The following ZRANB3 variants were observed in gnomAD, a reference collection of about 807,000 sequenced individuals.
ZRANB3 encodes DNA annealing helicase and endonuclease ZRANB3.
Under a neutral mutation model 133.8 loss-of-function variants are expected in ZRANB3, and 125 were observed. The observed-to-expected ratio is 0.93, with a 90% CI of 0.81 to 1.08. The LOEUF (loss-of-function observed/expected upper bound fraction) is 1.08. Ranked by LOEUF, ZRANB3 falls within the 50% of genes least tolerant of loss-of-function variation. The probability of loss-of-function intolerance (pLI) is 0.00; values close to 1 mark genes in which losing one functional copy is unlikely to be tolerated. For synonymous variants in ZRANB3, 387 were observed against 432.7 expected (o/e 0.89, Z 1.31); for missense variants, 1,229 against 1,275.5 (o/e 0.96, Z 0.56).
chr2:135,391,460 C>T (rs1687227308), intron 2 of ZRANB3, among the ~76,000 whole-genome samples: 1 of 152,060 alleles, frequency 6.6e-6, no homozygotes, highest in South Asian at 2.1e-4. Context: ...ATTGGTCTTC[C>T]CTATAAAGAG....
chr2:135,254,419 G>A (rs377134703), intron 12 of ZRANB3, among the ~76,000 whole-genome samples: 2 of 151,556 alleles, frequency 1.3e-5, no homozygotes, highest in East Asian at 1.9e-4. Flanking sequence ...CCTTATCTTC[G>A]CATTCTCAAA....
intron 8 of ZRANB3, among the ~76,000 whole-genome samples, chr2:135,281,372 A>C (rs1425360976): frequency 6.6e-6 from 1 of 151,784 alleles, no homozygotes; most frequent in Non-Finnish European, 1.5e-5. Context: ...AAGCTCTTTT[A>C]ATGTCTTCTT....
chr2:135,405,170 C>A (rs527954920), intron 2 of ZRANB3, among the ~76,000 whole-genome samples: 1 of 152,246 alleles, frequency 6.6e-6, no homozygotes, highest in Non-Finnish European at 1.5e-5. Flanking sequence ...GGTTGCAATC[C>A]TAGTCTCTGA....
intron 3 of ZRANB3, among the ~76,000 whole-genome samples, chr2:135,383,195 C>A (rs1283930993): frequency 6.6e-6 from 1 of 152,078 alleles, no homozygotes; most frequent in Admixed American, 6.6e-5. Flanking sequence ...CAGTTGCAAT[C>A]CTAGTCTCTG....
At chr2:135,504,543 T>G in intron 1 of ZRANB3, 47 bp from the exon 2 acceptor site, 1 of 1,480,320 alleles carries the variant, frequency 6.8e-7, no homozygotes, top group Non-Finnish European at 9.1e-7. Context: ...AAGAAATAGA[T>G]ATTACTAAGT....
intron 1 of ZRANB3, chr2:135,510,629 C>T: frequency 1.3e-6 from 1 of 780,844 alleles, no homozygotes; most frequent in East Asian, 2.5e-5. Flanking sequence ...CTCATTCCAC[C>T]ACCCAGCCCA....
intron 2 of ZRANB3, among the ~76,000 whole-genome samples, chr2:135,418,132 A>G (rs772857883): frequency 5.3e-5 from 8 of 152,176 alleles, no homozygotes; most frequent in Non-Finnish European, 8.8e-5. Context: ...CAAACAACAA[A>G]AAATATAGTA....
At chr2:135,385,460 A>G (rs1686926096) in intron 3 of ZRANB3, among the ~76,000 whole-genome samples, 1 of 152,174 alleles carries the variant, frequency 6.6e-6, no homozygotes, top group African/African-American at 2.4e-5. Flanking sequence ...CAAGCTACCA[A>G]TGACTTTCTT....
chr2:135,399,751 G>C (rs1256377457), intron 2 of ZRANB3, among the ~76,000 whole-genome samples: 1 of 152,146 alleles, frequency 6.6e-6, no homozygotes, highest in Non-Finnish European at 1.5e-5. Context: ...ACATGCTTTT[G>C]AATGAGAAAG....
chr2:135,449,181 G>A (rs943366033), intron 2 of ZRANB3, among the ~76,000 whole-genome samples: 3 of 152,170 alleles, frequency 2.0e-5, no homozygotes, highest in African/African-American at 7.2e-5. Context: ...TGAGATTCCA[G>A]CAAAGAACCT....
intron 2 of ZRANB3, among the ~76,000 whole-genome samples, chr2:135,440,607 T>C (rs1227608922): frequency 6.6e-6 from 1 of 152,134 alleles, no homozygotes; most frequent in Non-Finnish European, 1.5e-5. Flanking sequence ...AACAGGCACC[T>C]CACTCCTACA....
intron 17 of ZRANB3, among the ~76,000 whole-genome samples, chr2:135,215,702 G>A (rs1694276997): frequency 1.3e-5 from 2 of 152,078 alleles, no homozygotes; most frequent in Admixed American, 1.3e-4. Context: ...TTAGTCAAAT[G>A]AGTTTGTAAT....
chr2:135,289,171 T>C (rs1681552610), intron 8 of ZRANB3, among the ~76,000 whole-genome samples: 1 of 152,168 alleles, frequency 6.6e-6, no homozygotes, highest in South Asian at 2.1e-4. Context: ...TCAATCTTGA[T>C]TTTATTGTTG....
At chr2:135,515,848 C>G (rs570201233) in intron 1 of ZRANB3, among the ~76,000 whole-genome samples, 2 of 152,106 alleles carry the variant, frequency 1.3e-5, no homozygotes, top group Admixed American at 1.3e-4. Flanking sequence ...TTAATTTTGT[C>G]TCATTAATCT....
chr2:135,291,246 G>A (rs1681707590), intron 8 of ZRANB3, among the ~76,000 whole-genome samples: 1 of 151,942 alleles, frequency 6.6e-6, no homozygotes, highest in Admixed American at 6.6e-5. Flanking sequence ...GCAGTGGCAT[G>A]ATCTTGGCTC....
chr2:135,497,889 C>CT (rs1358884559), intron 2 of ZRANB3, among the ~76,000 whole-genome samples: 3 of 151,796 alleles, frequency 2.0e-5, no homozygotes, highest in Non-Finnish European at 4.4e-5. Flanking sequence ...CTTGTCTCTA[C>CT]TAAAAATACA....
At chr2:135,416,509 A>G (rs1457759804) in intron 2 of ZRANB3, among the ~76,000 whole-genome samples, 3 of 152,004 alleles carry the variant, frequency 2.0e-5, no homozygotes, top group African/African-American at 4.8e-5. Flanking sequence ...GGAAGAATCA[A>G]TATCGTGAAA....
chr2:135,367,285 C>A (rs934478148), intron 3 of ZRANB3, among the ~76,000 whole-genome samples: 8 of 152,124 alleles, frequency 5.3e-5, no homozygotes, highest in Admixed American at 5.2e-4. Context: ...AAATGTGACT[C>A]CTGGCTTCTC....
chr2:135,312,097 C>T (rs1454169172), intron 8 of ZRANB3, among the ~76,000 whole-genome samples: 2 of 151,286 alleles, frequency 1.3e-5, no homozygotes, highest in Non-Finnish European at 2.9e-5. Context: ...AAGCCTCATC[C>T]AACCATACAT....
Sources: gnomAD v4.1 joint callset for allele counts (sites outside exome capture counted in the v4.1 genomes callset) on GRCh38, gnomAD v4.1.1 for gene constraint, MANE v1.5 for transcripts, NCBI Gene and HGNC (gene_info 2026-07-23, HGNC 2026-07-21) for gene names.